The following WDR20 variants were observed in gnomAD, a reference collection of about 807,000 sequenced individuals.
WDR20 encodes WD repeat-containing protein 20.
In WDR20, 3 loss-of-function variants were observed where a neutral mutation model predicts 38.7. The ratio of observed to expected loss-of-function variants is 0.08; its 90% CI spans 0.04 to 0.20. The LOEUF (loss-of-function observed/expected upper bound fraction) is 0.20. WDR20 is among the 10% of genes least tolerant of loss of function. WDR20 has a pLI of 1.00. For missense variants in WDR20, 559 were observed against 727.7 expected (o/e 0.77, Z 2.67); for synonymous variants, 298 against 285.6 (o/e 1.04, Z -0.44).
intron 1 of WDR20, among the ~76,000 whole-genome samples, chr14:102,154,679 G>A (rs991395543): frequency 2.0e-5 from 3 of 152,010 alleles, no homozygotes; most frequent in Non-Finnish European, 4.4e-5. Context: ...TCCCCTGTTC[G>A]GTACCTAGAA....
At chr14:102,170,159 T>TTGTCAATAATGTCAATTACACAAAAAA (rs2060528161) in intron 1 of WDR20, among the ~76,000 whole-genome samples, 7 of 152,254 alleles carry the variant, frequency 4.6e-5, no homozygotes, top group Admixed American at 4.6e-4. Flanking sequence ...AGATTGTTCT[T>TTGTCAATAATGTCAATTACACAAAAAA]TGTCAATAAA....
chr14:102,169,637 C>G (rs531067350), intron 1 of WDR20, among the ~76,000 whole-genome samples: 2 of 152,246 alleles, frequency 1.3e-5, no homozygotes, highest in East Asian at 3.9e-4. Context: ...AAGTGGTCCT[C>G]CTGCCTCAGC....
At chr14:102,183,609 A>G (rs955362102) in intron 1 of WDR20, among the ~76,000 whole-genome samples, 1 of 152,248 alleles carries the variant, frequency 6.6e-6, no homozygotes, top group African/African-American at 2.4e-5. Flanking sequence ...TGTAAGCATT[A>G]TGAACCTTGG....
chr14:102,196,762 C>T (rs1405276005), intron 2 of WDR20, among the ~76,000 whole-genome samples: 1 of 152,198 alleles, frequency 6.6e-6, no homozygotes, highest in African/African-American at 2.4e-5. Flanking sequence ...CTGGGAGTTG[C>T]AGGCTGGAAG....
intron 1 of WDR20, among the ~76,000 whole-genome samples, chr14:102,164,819 C>G (rs1227697587): frequency 6.6e-6 from 1 of 152,134 alleles, no homozygotes; most frequent in African/African-American, 2.4e-5. Flanking sequence ...CTTTTCTTTT[C>G]CATTATAAGT....
chr14:102,211,793 T>G (rs1366938705), downstream of WDR20, among the ~76,000 whole-genome samples: 1 of 152,222 alleles, frequency 6.6e-6, no homozygotes, highest in Non-Finnish European at 1.5e-5. This position sits in a 1 kb window ranked among gnomAD's most constrained non-coding sequence, Gnocchi z 4.2. Context: ...TTCAAATGCT[T>G]CTGAGGCATT....
intron 1 of WDR20, among the ~76,000 whole-genome samples, chr14:102,144,018 A>AGT (rs1158103797): frequency 2.4e-5 from 1 of 42,146 alleles, no homozygotes; most frequent in Non-Finnish European, 6.8e-5. Context: ...GTCCACAAAA[A>AGT]AATAATAAAA....
downstream of WDR20, among the ~76,000 whole-genome samples, chr14:102,210,971 G>A (rs901981790): frequency 4.6e-5 from 7 of 152,176 alleles, no homozygotes; most frequent in Non-Finnish European, 8.8e-5. Context: ...GGCCATGTGC[G>A]TAGGCTTCGT....
intron 1 of WDR20, among the ~76,000 whole-genome samples, chr14:102,183,731 A>T (rs1166435267): frequency 6.6e-6 from 1 of 152,062 alleles, no homozygotes; most frequent in Non-Finnish European, 1.5e-5. Flanking sequence ...TAGGATGGGA[A>T]CTCTTCTACC....
intron 1 of WDR20, among the ~76,000 whole-genome samples, chr14:102,159,025 C>T (rs1271078500): frequency 1.3e-5 from 2 of 152,034 alleles, no homozygotes; most frequent in African/African-American, 4.8e-5. Flanking sequence ...TCACCGCAAC[C>T]TTTAACTCCT....
Position 102,222,305 on chromosome 14 carries a change from C to T in WDR20, c.1693-525C>T, listed in dbSNP as rs560133488. On this transcript the variant is annotated intron_variant, in intron 3 of 3. Transcript: ENST00000335263. The surrounding 1 kb of genome is among the most constrained non-coding windows in gnomAD (Gnocchi z 4.4). ...TGGGGCCTACACATGTGGACAGCTA[C>T]AGCCAGGGGGTGCCACGGTCACACC... 6.6e-6 allele frequency among the ~76,000 whole-genome samples: 1 copy of T among 152,340 alleles called. No homozygotes were observed. The highest frequency in any genetic ancestry group is 6.5e-5 in the Admixed American group (1 of 15,310).
At chr14:102,212,831 C>T (rs2062727762), downstream of WDR20, 2 of 1,330,988 alleles carry the variant, frequency 1.5e-6, no homozygotes, top group Non-Finnish European at 1.9e-6. Context: ...TTCAGTCTTT[C>T]AGCCTAAACG....
rs1442182451 is a variant in WDR20 at position 102,220,378 on chromosome 14, G to T, written c.1693-2452G>T. The stretch of plus-strand genomic sequence containing the variant: ...ACCTCAAAGGCTTCTTACCAAAAAA[G>T]TCATTAGTAATTTTTATATTGCTGA... On this transcript the variant is annotated intron_variant, in intron 3 of 3. Transcript: ENST00000335263. The surrounding 1 kb of genome is among the most constrained non-coding windows in gnomAD (Gnocchi z 4.2). Among the ~76,000 whole-genome samples the T allele has an allele frequency of 6.6e-6, 1 of 152,242 alleles. No individual in the cohort carries two copies. Among genetic ancestry groups the T allele is most frequent in the South Asian group, 2.1e-4 (1 of 4,836 alleles).
chr14:102,161,287 A>G (rs1290196826), intron 1 of WDR20, among the ~76,000 whole-genome samples: 2 of 147,870 alleles, frequency 1.4e-5, no homozygotes, highest in Non-Finnish European at 3.0e-5. Flanking sequence ...AGTAGCTGGA[A>G]TTACAGGTGC....
chr14:102,193,357 G>T (rs10140486), intron 1 of WDR20: 12 of 1,211,328 alleles, frequency 9.9e-6, no homozygotes, highest in Non-Finnish European at 1.3e-5. Flanking sequence ...TCCACTGGCC[G>T]CTTTTCTCCT....
chr14:102,162,433 T>C (rs1331690574), intron 1 of WDR20, among the ~76,000 whole-genome samples: 1 of 152,164 alleles, frequency 6.6e-6, no homozygotes, highest in Non-Finnish European at 1.5e-5. Flanking sequence ...CCATATCTTA[T>C]TGATCATATC....
intron 1 of WDR20, among the ~76,000 whole-genome samples, chr14:102,191,962 T>A (rs1566983599): frequency 6.6e-6 from 1 of 152,194 alleles, no homozygotes; most frequent in Non-Finnish European, 1.5e-5. Flanking sequence ...GAATATAAAC[T>A]CTAACTTTTT....
At chr14:102,194,685 A>G (rs1439829298) in intron 1 of WDR20, among the ~76,000 whole-genome samples, 1 of 152,228 alleles carries the variant, frequency 6.6e-6, no homozygotes, top group Non-Finnish European at 1.5e-5. Flanking sequence ...TTTGTTACAT[A>G]TATTTGAAGG....
downstream of WDR20, among the ~76,000 whole-genome samples, chr14:102,215,527 A>T (rs747780661): frequency 3.9e-5 from 6 of 152,102 alleles, no homozygotes; most frequent in African/African-American, 7.2e-5. Flanking sequence ...ATAGGGATGC[A>T]TGTGCCACGG....
Sources: gnomAD v4.1 joint callset for allele counts (sites outside exome capture counted in the v4.1 genomes callset) on GRCh38, gnomAD v4.1.1 for gene constraint, Gnocchi (gnomAD v3.1) non-coding constraint, MANE v1.5 for transcripts, NCBI Gene and HGNC (gene_info 2026-07-23, HGNC 2026-07-21) for gene names.